PDGFRB: variants seen among roughly 807,000 people sequenced by gnomAD.
The protein encoded by PDGFRB is platelet-derived growth factor receptor beta.
PDGFRB carries 42 observed loss-of-function variants against 120.2 expected under a neutral mutation model. The ratio of observed to expected loss-of-function variants is 0.35; its 90% CI spans 0.27 to 0.45. PDGFRB has a LOEUF of 0.45. Ranked by LOEUF, PDGFRB falls within the 20% of genes least tolerant of loss-of-function variation. PDGFRB has a pLI of 1.00. For synonymous variants in PDGFRB, 586 were observed against 606.8 expected (o/e 0.97, Z 0.50); for missense variants, 1,149 against 1,476.3 (o/e 0.78, Z 3.63).
chr5:150,145,879 A>G (rs1760909805), intron 1 of PDGFRB, among the ~76,000 whole-genome samples: 1 of 152,222 alleles, frequency 6.6e-6, no homozygotes, highest in South Asian at 2.1e-4. Flanking sequence ...CTCCGTCTCA[A>G]AAAAATAAAT....
At chr5:150,124,194 C>A (rs919002667) in intron 14 of PDGFRB, 56 bp downstream of exon 14, 2 of 1,213,328 alleles carry the variant, frequency 1.6e-6, no homozygotes, top group East Asian at 4.7e-5. Flanking sequence ...GTAGGCGGGG[C>A]CTGGCCTTGG....
chr5:150,147,868 C>T (rs1760968406), intron 1 of PDGFRB, among the ~76,000 whole-genome samples: 1 of 152,174 alleles, frequency 6.6e-6, no homozygotes, highest in Admixed American at 6.5e-5. Context: ...GCACACAGCC[C>T]TCTGCAAAGT....
At chr5:150,143,230 T>C (rs956691613) in intron 1 of PDGFRB, among the ~76,000 whole-genome samples, 5 of 152,258 alleles carry the variant, frequency 3.3e-5, no homozygotes, top group South Asian at 2.1e-4. Flanking sequence ...CCATTTAATG[T>C]TTTTGGACCA....
chr5:150,131,246 A>G (rs1209258002), intron 8 of PDGFRB, among the ~76,000 whole-genome samples: 1 of 151,832 alleles, frequency 6.6e-6, no homozygotes, highest in African/African-American at 2.4e-5. Context: ...CCCAGCCCCC[A>G]CTGCCCTATC....
At chr5:150,122,273 G>A (rs533037977) in intron 15 of PDGFRB, 6 of 514,524 alleles carry the variant, frequency 1.2e-5, no homozygotes, top group African/African-American at 3.8e-5. Context: ...ACCCAGAGGC[G>A]ATTACAGCAC....
intron 1 of PDGFRB, among the ~76,000 whole-genome samples, chr5:150,140,160 A>G (rs1760742731): frequency 6.6e-6 from 1 of 151,838 alleles, no homozygotes; most frequent in Non-Finnish European, 1.5e-5. Flanking sequence ...ATCCTGGATG[A>G]CTCCCTGATA....
rs139554380 is a variant in PDGFRB, at chr5:150,124,786, G to C, written c.1853C>G (p.Thr618Arg). Residue 618 changes from threonine (T) to arginine (R), a missense_variant, in exon 13 of 23, where the codon ACG (threonine) becomes AGG (arginine). Around this residue, in one of 3 missense-constraint regions of PDGFRB, gnomAD observed 879 missense variants for 1,108.6 expected, o/e 0.79. Transcript: ENST00000261799. ...SGAFGQVVEATAHGLSHSQAT... is the reference protein window; with the variant it reads ...SGAFGQVVEARAHGLSHSQAT... ...CTGAGAATGGCTCAGGCCATGAGCC[G>C]TGGCCTCCACCACCTGCCCAAAGGC... 8.1e-6 allele frequency: 13 copies of C among 1,608,918 alleles called. No homozygotes were observed. Among genetic ancestry groups the C allele is most frequent in the Non-Finnish European group, 1.1e-5 (13 of 1,176,662 alleles).
At chr5:150,141,849 G>A (rs1760793474) in intron 1 of PDGFRB, among the ~76,000 whole-genome samples, 1 of 152,128 alleles carries the variant, frequency 6.6e-6, no homozygotes, top group African/African-American at 2.4e-5. Context: ...AGCTGCAACT[G>A]AGCAGGTTTA....
Position 150,123,068 on chromosome 5 carries a change from A to T in PDGFRB, c.2157T>A (p.Ala719=), listed in dbSNP as rs767015584. The part of the protein sequence containing the change: ...RPPSAELYSN[A]LPVGLPLPSH... ...TGGGCAGGGGGAGCCCAACGGGCAG[A>T]GCATTGCTGTAGAGCTCCGCGCTGG... Residue 719 remains alanine, a synonymous_variant, in exon 15 of 23, where the codon GCT becomes GCA. Coordinates refer to ENST00000261799, the MANE Select transcript of PDGFRB (RefSeq NM_002609.4). 1 of 1,613,608 alleles carries T rather than the reference A, an allele frequency of 6.2e-7. No homozygotes were observed. Among genetic ancestry groups the T allele is most frequent in the South Asian group, 1.1e-5 (1 of 91,070 alleles).
chr5:150,150,860 G>T (rs56757464), intron 1 of PDGFRB, among the ~76,000 whole-genome samples: 22,874 of 152,008 alleles, frequency 0.15, 2,188 homozygotes, highest in Middle Eastern at 0.28. Context: ...GAGCATATGA[G>T]GTTTGAAAAC....
chr5:150,141,688 T>C (rs1361653141), intron 1 of PDGFRB, among the ~76,000 whole-genome samples: 3 of 152,136 alleles, frequency 2.0e-5, no homozygotes, highest in Non-Finnish European at 4.4e-5. Flanking sequence ...TGACTTAATA[T>C]TGAGGGGCTG....
At position 150,133,694 on chromosome 5, in the gene PDGFRB, G is replaced by C. The variant is rs750040840; in HGVS notation, c.826C>G (p.Leu276Val). 6.2e-7 allele frequency: 1 copy of C among 1,614,078 alleles called. No homozygotes were observed. Among genetic ancestry groups the C allele is most frequent in the South Asian group, 1.1e-5 (1 of 91,078 alleles). The change falls in exon 6 of 23, where the codon CTG becomes GTG. Residue 276 changes from leucine to valine, a missense_variant. Leu to Val is a conservative substitution (Grantham distance 32). Around this residue, in one of 3 missense-constraint regions of PDGFRB, gnomAD observed 879 missense variants for 1,108.6 expected, o/e 0.79. Coordinates refer to ENST00000261799, the MANE Select transcript of PDGFRB (RefSeq NM_002609.4). ...LDMPYHIRSI[L>V]HIPSAELEDS... Reference sequence around the variant, plus strand: ...TCTAACTCGGCACTGGGGATGTGCAGGATGGAGCGGATGTGGTAAGGCATA... The same window carrying C: ...TCTAACTCGGCACTGGGGATGTGCACGATGGAGCGGATGTGGTAAGGCATA...
chr5:150,122,241 A>C, intron 15 of PDGFRB: 1 of 567,040 alleles, frequency 1.8e-6, no homozygotes, highest in Non-Finnish European at 3.2e-6. Context: ...CCAAAATGAC[A>C]GTTAGAACCC....
chr5:150,136,268 G>A (rs1355587061), intron 2 of PDGFRB, among the ~76,000 whole-genome samples: 5 of 152,214 alleles, frequency 3.3e-5, no homozygotes, highest in African/African-American at 9.6e-5. Context: ...GACTGCCCAG[G>A]TTCTGCCCAA....
At chr5:150,151,207 T>C (rs1344851963) in intron 1 of PDGFRB, among the ~76,000 whole-genome samples, 1 of 152,204 alleles carries the variant, frequency 6.6e-6, no homozygotes, top group Non-Finnish European at 1.5e-5. Context: ...GCTGCCAATC[T>C]GGGCTGGCAT....
chr5:150,124,227 C>T lies in PDGFRB; in HGVS notation c.2023+23G>A, dbSNP rs1028826598. 1.9e-6 allele frequency: 3 copies of T among 1,554,894 alleles called. No homozygotes were observed. In the East Asian group the frequency reaches 6.7e-5, roughly 35 times the overall value. ...TGGTGGTGGGCACTTTCCCTGAGGC[C>T]TCTGGGGCAGTGGGCTCGGTACCTC... is the stretch of plus-strand genomic sequence containing the variant. On this transcript the variant is annotated intron_variant, in intron 14 of 22. Coordinates refer to ENST00000261799, the MANE Select transcript of PDGFRB (RefSeq NM_002609.4).
At chr5:150,155,167 G>A (rs758588) in intron 1 of PDGFRB, among the ~76,000 whole-genome samples, 23,527 of 152,158 alleles carry the variant, frequency 0.15, 2,316 homozygotes, top group Middle Eastern at 0.28. Flanking sequence ...GAAGGCAGGA[G>A]CAGCAGGGAT....
chr5:150,155,594 G>T lies in PDGFRB; in HGVS notation c.-204C>A. ...GGAGAACAGAGGGATGGAGGAAGGG[G>T]GCTGCTGTAGGGGAGAGGAGCGGCC... On this transcript the variant is annotated 5_prime_UTR_variant, in exon 1 of 23. Transcript: ENST00000261799. The T allele has an allele frequency of 2.5e-6, 1 of 398,892 alleles. No homozygotes were observed. The allele number at this position is 398,892 out of a possible 1,614,324, so 24.7% of individuals were successfully genotyped here.
At chr5:150,143,949 G>T (rs958000799) in intron 1 of PDGFRB, among the ~76,000 whole-genome samples, 2 of 152,096 alleles carry the variant, frequency 1.3e-5, no homozygotes, top group African/African-American at 4.8e-5. Context: ...GCCATTCTCT[G>T]TGCCACGCTG....
Sources: gnomAD v4.1 joint callset for allele counts (sites outside exome capture counted in the v4.1 genomes callset) on GRCh38, gnomAD v4.1.1 for gene constraint, gnomAD v4.1.1 regional missense constraint, MANE v1.5 for transcripts, NCBI Gene and HGNC (gene_info 2026-07-23, HGNC 2026-07-21) for gene names.